The following TGM7 variants were observed in gnomAD, a reference collection of about 807,000 sequenced individuals.
TGM7 encodes the protein protein-glutamine gamma-glutamyltransferase Z.
TGM7 carries 74 observed loss-of-function variants against 79.5 expected under a neutral mutation model. The observed-to-expected ratio is 0.93, with a 90% CI of 0.77 to 1.13. The LOEUF (loss-of-function observed/expected upper bound fraction) is 1.13. TGM7 is among the 50% of genes most tolerant of loss of function. The probability of loss-of-function intolerance (pLI) is 0.00; values close to 1 mark genes in which losing one functional copy is unlikely to be tolerated. For missense variants in TGM7, 912 were observed against 905.9 expected (o/e 1.01, Z -0.09); for synonymous variants, 354 against 362.5 (o/e 0.98, Z 0.27).
At chr15:43,281,302 G>T (rs991515109) in intron 9 of TGM7, among the ~76,000 whole-genome samples, 1 of 152,200 alleles carries the variant, frequency 6.6e-6, no homozygotes, top group Non-Finnish European at 1.5e-5. Context: ...CCACACATGC[G>T]CCCTCCGTGG....
chr15:43,287,434 G>A lies in TGM7; in HGVS notation c.711C>T (p.Gly237=), dbSNP rs781196819. Residue 237 remains glycine (G), a synonymous_variant, in exon 6 of 13, where the codon GGC becomes GGT. Coordinates refer to ENST00000452443, the MANE Select transcript of TGM7 (RefSeq NM_052955.3). ...CCTCGCCCCAGTTCCCCTGCAGCACGCCATTGTCATCGTTGCTGTTGATCT... is the reference window on the plus strand; with the variant it reads ...CCTCGCCCCAGTTCCCCTGCAGCACACCATTGTCATCGTTGCTGTTGATCT... ...SAMINSNDDN[G]VLQGNWGEDY... The A allele has an allele frequency of 9.3e-6, 15 of 1,614,048 alleles. No individual in the cohort carries two copies. Among genetic ancestry groups the A allele is most frequent in the Admixed American group, 5.0e-5 (3 of 60,014 alleles).
chr15:43,284,353 C>CAA (rs1476527395), intron 7 of TGM7, among the ~76,000 whole-genome samples: 91 of 151,862 alleles, frequency 6.0e-4, no homozygotes, highest in African/African-American at 2.1e-3. Flanking sequence ...TACACACACA[C>CAA]ACACACGCAT....
At chr15:43,288,030 C>G (rs1013036390) in intron 4 of TGM7, among the ~76,000 whole-genome samples, 7 of 151,950 alleles carry the variant, frequency 4.6e-5, no homozygotes, top group African/African-American at 1.7e-4. Context: ...GGTCTTTGAG[C>G]ATGGTGGGTA....
At position 43,292,703 on chromosome 15, in the gene TGM7, T is replaced by G; in HGVS notation, c.439+6A>C. 6.2e-7 allele frequency: 1 copy of G among 1,613,918 alleles called. No homozygotes were observed. The highest frequency in any genetic ancestry group is 8.5e-7 in the Non-Finnish European group (1 of 1,179,868). On this transcript the variant is annotated splice_donor_region_variant and intron_variant, in intron 3 of 12. Coordinates refer to ENST00000452443, the MANE Select transcript of TGM7 (RefSeq NM_052955.3). ...GTTAGCAATACAAGCTGTGGGCACA[T>G]CCTACCTGGACTCCAAGGGTTAAAA...
At chr15:43,279,373 G>C in intron 10 of TGM7, 96 bp from the exon 11 acceptor site, 2 of 1,391,624 alleles carry the variant, frequency 1.4e-6, no homozygotes, top group Non-Finnish European at 2.0e-6. Context: ...ATTTTCACGT[G>C]AGAGGTAAAA....
At chr15:43,282,854 T>A (rs746144264) in intron 7 of TGM7, among the ~76,000 whole-genome samples, 1 of 152,122 alleles carries the variant, frequency 6.6e-6, no homozygotes, top group Non-Finnish European at 1.5e-5. Flanking sequence ...ATTGAGACCA[T>A]CCTGGCTAAC....
At chr15:43,288,267 T>G (rs2042946055) in intron 4 of TGM7, among the ~76,000 whole-genome samples, 1 of 152,142 alleles carries the variant, frequency 6.6e-6, no homozygotes, top group Non-Finnish European at 1.5e-5. Flanking sequence ...TTTGTCTCAG[T>G]TTCAAAGAGG....
Position 43,279,778 on chromosome 15 carries a change from G to T in TGM7, c.1525C>A (p.Leu509Met). Reference protein sequence around the residue: ...IPEWGQDLQLLLRIQRVPDST... With the variant: ...IPEWGQDLQLMLRIQRVPDST... ...TCTGGCACCCTCTGGATACGCAGCA[G>T]CAGCTGCAGGTCCTGGCCCCACTCG... Residue 509 changes from leucine (L) to methionine (M), a missense_variant, in exon 10 of 13, where the codon CTG becomes ATG. Physicochemically the swap from Leu to Met is conservative, Grantham distance 15. Coordinates refer to ENST00000452443, the MANE Select transcript of TGM7 (RefSeq NM_052955.3). The T allele has an allele frequency of 6.2e-7, 1 of 1,614,102 alleles. No homozygotes were observed. Among genetic ancestry groups the T allele is most frequent in the Non-Finnish European group, 8.5e-7 (1 of 1,180,026 alleles).
chr15:43,295,858 A>G (rs2042989543), intron 1 of TGM7, among the ~76,000 whole-genome samples: 2 of 152,240 alleles, frequency 1.3e-5, no homozygotes, highest in African/African-American at 4.8e-5. Context: ...AAAGTTGTTA[A>G]ACCTCTTGAT....
chr15:43,279,529 G>A lies in TGM7; in HGVS notation c.1678+96C>T, dbSNP rs1340376994. On this transcript the variant is annotated intron_variant, in intron 10 of 12. Coordinates refer to ENST00000452443, the MANE Select transcript of TGM7 (RefSeq NM_052955.3). ...AGAATGTGTGTGTGTTGGAGGAAGGGGTCTGTGTGTAATCTGGCTGGGCCC... is the reference window on the plus strand; with the variant it reads ...AGAATGTGTGTGTGTTGGAGGAAGGAGTCTGTGTGTAATCTGGCTGGGCCC... 7.8e-6 allele frequency: 11 copies of A among 1,405,276 alleles called. No individual in the cohort carries two copies. In the Admixed American group the frequency reaches 2.5e-4, roughly 31 times the overall value. The allele number at this position is 1,405,276 out of a possible 1,614,324, so 87.1% of individuals were successfully genotyped here.
At chr15:43,291,888 G>A in intron 4 of TGM7, 91 bp downstream of exon 4, 2 of 918,314 alleles carry the variant, frequency 2.2e-6, no homozygotes, top group Non-Finnish European at 3.5e-6. Context: ...CTCTATGAGG[G>A]CTGTGTAATA....
intron 7 of TGM7, 98 bp from the exon 8 acceptor site, chr15:43,282,718 T>C: frequency 1.0e-6 from 1 of 962,804 alleles, no homozygotes; most frequent in Non-Finnish European, 1.6e-6. Context: ...TTTCTTTTTC[T>C]TACTTTTTAT....
chr15:43,296,701 T>TCCC (rs1474466221), intron 1 of TGM7, among the ~76,000 whole-genome samples: 1 of 151,986 alleles, frequency 6.6e-6, no homozygotes, highest in African/African-American at 2.4e-5. Flanking sequence ...AACTCAATTT[T>TCCC]CCCCTAAGCC....
At chr15:43,297,837 C>T (rs1185066510) in intron 1 of TGM7, among the ~76,000 whole-genome samples, 1 of 152,184 alleles carries the variant, frequency 6.6e-6, no homozygotes, top group Non-Finnish European at 1.5e-5. Context: ...TACTTCCCAC[C>T]ATGTGGTCAC....
intron 1 of TGM7, among the ~76,000 whole-genome samples, chr15:43,300,767 C>T (rs910425563): frequency 6.6e-6 from 1 of 152,188 alleles, no homozygotes; most frequent in Non-Finnish European, 1.5e-5. Flanking sequence ...CGCCACTGCA[C>T]TCCATCCAGC....
rs773851368 is a variant in TGM7, at chr15:43,282,014, G to A, written c.1181C>T (p.Pro394Leu). 1 of 1,614,192 alleles carries A rather than the reference G, an allele frequency of 6.2e-7. No homozygotes were observed. The highest frequency in any genetic ancestry group is 2.2e-5 in the East Asian group (1 of 44,874). ...GGCGTTCACCTCGGCATACACAAAA[G>A]GGGTGTCATAGGCCAGGTGGACATC... The part of the protein sequence containing the change: ...EGDVHLAYDT[P>L]FVYAEVNADE... Residue 394 changes from proline (P) to leucine (L), a missense_variant, in exon 9 of 13, where the codon CCT becomes CTT. Coordinates refer to ENST00000452443, the MANE Select transcript of TGM7 (RefSeq NM_052955.3).
chr15:43,290,565 T>C (rs2042958847), intron 4 of TGM7, among the ~76,000 whole-genome samples: 6 of 152,202 alleles, frequency 3.9e-5, no homozygotes, highest in Admixed American at 3.9e-4. Context: ...TTGGGTTCCA[T>C]ATGAACTTTA....
intron 11 of TGM7, among the ~76,000 whole-genome samples, chr15:43,278,158 C>T (rs1266058833): frequency 6.6e-6 from 1 of 152,196 alleles, no homozygotes; most frequent in African/African-American, 2.4e-5. Context: ...GCCCAGTTCT[C>T]TATTGGGGTG....
At chr15:43,290,449 G>T (rs1464315678) in intron 4 of TGM7, among the ~76,000 whole-genome samples, 1 of 152,206 alleles carries the variant, frequency 6.6e-6, no homozygotes, top group East Asian at 1.9e-4. Context: ...CCAGTACCAT[G>T]CTGTTTTGGT....
Sources: gnomAD v4.1 joint callset for allele counts (sites outside exome capture counted in the v4.1 genomes callset) on GRCh38, gnomAD v4.1.1 for gene constraint, MANE v1.5 for transcripts, NCBI Gene and HGNC (gene_info 2026-07-23, HGNC 2026-07-21) for gene names.